SAXO1: variants seen among roughly 807,000 people sequenced by gnomAD.
The protein encoded by SAXO1 is 4930500O09Rik.
A neutral mutation model predicts 17.5 loss-of-function variants in SAXO1; 21 were observed. The observed-to-expected ratio is 1.20, with a 90% CI of 0.85 to 1.72. SAXO1 has a LOEUF of 1.72. SAXO1 is among the 40% of genes most tolerant of loss of function. SAXO1 has a pLI of 0.00. For missense variants in SAXO1, 843 were observed against 596.0 expected, an observed-to-expected ratio of 1.41 and a Z score of -4.32; for synonymous variants, 274 against 216.5, an observed-to-expected ratio of 1.27 and a Z score of -2.33.
At chr9:19,007,568 C>G (rs1588519976) in intron 1 of SAXO1, among the ~76,000 whole-genome samples, 1 of 152,048 alleles carries the variant, frequency 6.6e-6, no homozygotes, top group South Asian at 2.1e-4. Flanking sequence ...AGAGTTTTAC[C>G]CTAGGTAACC....
upstream of SAXO1, among the ~76,000 whole-genome samples, chr9:19,038,006 A>T (rs1211692024): frequency 6.6e-6 from 1 of 152,220 alleles, no homozygotes. Context: ...TCATGAAAAA[A>T]TGCTCATCAT....
intron 1 of SAXO1, among the ~76,000 whole-genome samples, chr9:18,993,271 GC>G (rs957941963): frequency 3.2e-5 from 3 of 94,606 alleles, no homozygotes; most frequent in African/African-American, 8.1e-5. Context: ...CCCTCCCCTT[GC>G]CCCCCACCCC....
intron 1 of SAXO1, among the ~76,000 whole-genome samples, chr9:18,954,243 T>C (rs73645543): frequency 0.02 from 3,097 of 152,286 alleles, 89 homozygotes; most frequent in African/African-American, 0.068. Flanking sequence ...AGAGACCTTA[T>C]GATGGATCTC....
At chr9:19,026,981 G>A (rs939220068) in intron 1 of SAXO1, 3 of 910,064 alleles carry the variant, frequency 3.3e-6, no homozygotes, top group Non-Finnish European at 1.8e-6. Flanking sequence ...AGCGCACATG[G>A]CTTCTGGACA....
chr9:19,014,357 C>G (rs200714127), intron 1 of SAXO1, among the ~76,000 whole-genome samples: 1 of 149,260 alleles, frequency 6.7e-6, no homozygotes, highest in Non-Finnish European at 1.5e-5. Context: ...AGCTACTCGG[C>G]AGGCTGAGGC....
At chr9:19,016,211 G>A (rs1460881039) in intron 1 of SAXO1, among the ~76,000 whole-genome samples, 2 of 152,078 alleles carry the variant, frequency 1.3e-5, no homozygotes, top group Non-Finnish European at 2.9e-5. Context: ...CGAGGCGGGT[G>A]GATCCACTGA....
At chr9:18,976,623 G>T (rs1340974483) in intron 1 of SAXO1, among the ~76,000 whole-genome samples, 2 of 150,966 alleles carry the variant, frequency 1.3e-5, no homozygotes, top group Non-Finnish European at 3.0e-5. Flanking sequence ...TGTAACTATG[G>T]GAAAGACTTT....
chr9:18,973,356 C>T (rs547027133), intron 1 of SAXO1, among the ~76,000 whole-genome samples: 2 of 152,190 alleles, frequency 1.3e-5, no homozygotes, highest in Non-Finnish European at 2.9e-5. Flanking sequence ...AATACAGCTG[C>T]CATACAGCTG....
At chr9:19,040,141 T>C (rs1836043395) in intron 1 of SAXO1, among the ~76,000 whole-genome samples, 1 of 152,186 alleles carries the variant, frequency 6.6e-6, no homozygotes, top group African/African-American at 2.4e-5. Flanking sequence ...ATTTGAATGA[T>C]TTATAAGATG....
chr9:18,956,532 C>G (rs931592223), intron 1 of SAXO1, among the ~76,000 whole-genome samples: 7 of 152,140 alleles, frequency 4.6e-5, no homozygotes, highest in Admixed American at 4.6e-4. Context: ...CTCCTTCACT[C>G]GAGGAGGCAG....
At chr9:18,943,230 T>C (rs532387426) in intron 2 of SAXO1, among the ~76,000 whole-genome samples, 55 of 152,338 alleles carry the variant, frequency 3.6e-4, no homozygotes, top group Non-Finnish European at 3.4e-4. Flanking sequence ...ATGCTTCAGT[T>C]GAACTCCCCT....
Position 18,947,133 on chromosome 9 carries a change from T to A in SAXO1, c.218+3625A>T, listed in dbSNP as rs943031449. On this transcript the variant is annotated intron_variant, in intron 2 of 3. Transcript: ENST00000380534. ...CCAGTGCCGAGAACTCTACCTACAT[T>A]GTGTTCACACTAATTCTCAGGCCCA... Among the ~76,000 whole-genome samples the A allele has an allele frequency of 9.9e-5, 15 of 152,222 alleles. 1 individual carries two copies. The highest frequency in any genetic ancestry group is 1.5e-5 in the Non-Finnish European group (1 of 68,028).
At chr9:19,029,324 A>G (rs1476243490) in intron 1 of SAXO1, among the ~76,000 whole-genome samples, 3 of 152,186 alleles carry the variant, frequency 2.0e-5, no homozygotes, top group Non-Finnish European at 4.4e-5. Context: ...GGTCTCCACA[A>G]ATCTCCAGGA....
At chr9:18,948,867 A>G (rs1295427154) in intron 2 of SAXO1, among the ~76,000 whole-genome samples, 1 of 152,176 alleles carries the variant, frequency 6.6e-6, no homozygotes, top group African/African-American at 2.4e-5. Context: ...ATTTCCTGCA[A>G]ATTGGATATA....
chr9:19,033,416 C>T (rs1159383563), upstream of SAXO1, among the ~76,000 whole-genome samples: 1 of 152,260 alleles, frequency 6.6e-6, no homozygotes, highest in African/African-American at 2.4e-5. Flanking sequence ...TAGAAAGCTC[C>T]TGGTGCAGTA....
At chr9:19,004,374 C>T (rs1386998045) in intron 1 of SAXO1, among the ~76,000 whole-genome samples, 1 of 152,126 alleles carries the variant, frequency 6.6e-6, no homozygotes, top group East Asian at 1.9e-4. Flanking sequence ...GGGTATATAA[C>T]CAAAGGATTA....
intron 1 of SAXO1, among the ~76,000 whole-genome samples, chr9:19,047,989 T>C (rs1017332136): frequency 1.3e-5 from 2 of 152,158 alleles, no homozygotes; most frequent in African/African-American, 4.8e-5. Context: ...CTGAATACAT[T>C]GAGAGGAGAT....
At position 18,928,879 on chromosome 9, in the gene SAXO1, G is replaced by T; in HGVS notation, c.598C>A (p.Pro200Thr). The T allele has an allele frequency of 6.2e-7, 1 of 1,614,122 alleles. No individual in the cohort carries two copies. Among genetic ancestry groups the T allele is most frequent in the Non-Finnish European group, 8.5e-7 (1 of 1,180,030 alleles). The change falls in exon 4 of 4, where the codon CCC becomes ACC. Residue 200 changes from proline (P) to threonine (T), a missense_variant. Physicochemically the swap from Pro to Thr is conservative, Grantham distance 38 (BLOSUM62 -1). Coordinates refer to ENST00000380534, the MANE Select transcript of SAXO1 (RefSeq NM_153707.4). ...PLAMPKLCNI[P>T]LEDVTNYKMS... Reference sequence around the variant, plus strand: ...TTGTAGTTAGTCACATCCTCCAAGGGGATGTTACAGAGCTTTGGCATGGCC... The same window carrying T: ...TTGTAGTTAGTCACATCCTCCAAGGTGATGTTACAGAGCTTTGGCATGGCC...
At chr9:18,992,989 A>G (rs7861842) in intron 1 of SAXO1, among the ~76,000 whole-genome samples, 89,309 of 151,560 alleles carry the variant, frequency 0.59, 26,428 homozygotes, top group Non-Finnish European at 0.64. Flanking sequence ...TAGTAGAGAC[A>G]GGGTTTCTCC....
Sources: gnomAD v4.1 joint callset for allele counts (sites outside exome capture counted in the v4.1 genomes callset) on GRCh38, gnomAD v4.1.1 for gene constraint, MANE v1.5 for transcripts, NCBI Gene and HGNC (gene_info 2026-07-23, HGNC 2026-07-21) for gene names.